The following PDE4D variants were observed in gnomAD, a reference collection of about 807,000 sequenced individuals.
PDE4D encodes 3',5'-cyclic-AMP phosphodiesterase 4D.
PDE4D carries 24 observed loss-of-function variants against 87.4 expected under a neutral mutation model. That is an observed-to-expected ratio of 0.27 (90% CI 0.20 to 0.39). PDE4D has a LOEUF of 0.39. Ranked by LOEUF, PDE4D falls within the 10% of genes least tolerant of loss-of-function variation. PDE4D has a pLI of 1.00. For synonymous variants in PDE4D, 384 were observed against 383.2 expected, an observed-to-expected ratio of 1.00 and a Z score of -0.02; for missense variants, 714 against 1,041.0, an observed-to-expected ratio of 0.69 and a Z score of 4.32.
At chr5:59,310,324 G>A (rs776479088) in intron 1 of PDE4D, among the ~76,000 whole-genome samples, 7 of 152,056 alleles carry the variant, frequency 4.6e-5, no homozygotes, top group Non-Finnish European at 7.4e-5. Context: ...CCTCTTCCCT[G>A]CTTCTATTCT....
chr5:59,137,658 C>G (rs1267319894), intron 5 of PDE4D, among the ~76,000 whole-genome samples: 1 of 151,966 alleles, frequency 6.6e-6, no homozygotes, highest in Non-Finnish European at 1.5e-5. Context: ...TCCCTAGTAG[C>G]TGGGACTACA....
chr5:60,126,306 A>G (rs1050405778), intron 2 of PDE4D, among the ~76,000 whole-genome samples: 2 of 152,204 alleles, frequency 1.3e-5, no homozygotes, highest in Non-Finnish European at 2.9e-5. Flanking sequence ...CACAGATGCC[A>G]AAACAACACT....
chr5:59,890,386 TTA>T (rs1381627495), intron 1 of PDE4D, among the ~76,000 whole-genome samples: 1 of 152,120 alleles, frequency 6.6e-6, no homozygotes, highest in African/African-American at 2.4e-5. Context: ...TCATAAGTAT[TTA>T]TATGCATTTT....
chr5:59,320,947 A>G (rs985413721), intron 1 of PDE4D, among the ~76,000 whole-genome samples: 1 of 152,100 alleles, frequency 6.6e-6, no homozygotes, highest in African/African-American at 2.4e-5. Flanking sequence ...TTTTCTATTG[A>G]TAAATTTGTT....
At chr5:59,752,166 C>T (rs1173584235) in intron 1 of PDE4D, among the ~76,000 whole-genome samples, 1 of 152,086 alleles carries the variant, frequency 6.6e-6, no homozygotes, top group Non-Finnish European at 1.5e-5. Context: ...CAATAACATC[C>T]CATATAGTAA....
intron 3 of PDE4D, among the ~76,000 whole-genome samples, chr5:59,916,789 CT>C (rs1289359770): frequency 4.1e-5 from 6 of 147,250 alleles, no homozygotes; most frequent in East Asian, 2.0e-4. Flanking sequence ...ACATAGATTC[CT>C]TTTTTTTTTC....
intron 1 of PDE4D, among the ~76,000 whole-genome samples, chr5:59,710,262 C>T (rs147778298): frequency 3.1e-3 from 464 of 151,966 alleles, no homozygotes; most frequent in African/African-American, 0.011. Flanking sequence ...CTCGTTTAGC[C>T]GAAAGTACAG....
At chr5:59,585,046 ACT>A (rs1192462980) in intron 1 of PDE4D, among the ~76,000 whole-genome samples, 3 of 152,070 alleles carry the variant, frequency 2.0e-5, no homozygotes, top group Non-Finnish European at 2.9e-5. Context: ...TGACTAGGAA[ACT>A]CTGGTGATGC....
chr5:59,439,765 A>G (rs28729916), intron 1 of PDE4D, among the ~76,000 whole-genome samples: 45,217 of 151,982 alleles, frequency 0.3, 11,853 homozygotes, highest in African/African-American at 0.71. Flanking sequence ...TGGGGTTGGG[A>G]TATAGGGGAC....
chr5:59,902,351 G>A (rs79257645), intron 3 of PDE4D, among the ~76,000 whole-genome samples: 4,443 of 152,198 alleles, frequency 0.029, 204 homozygotes, highest in African/African-American at 0.1. Context: ...CTGGGGCAAT[G>A]CTGAAATTCA....
chr5:58,979,466 T>C (rs1744592349), intron 11 of PDE4D, among the ~76,000 whole-genome samples: 2 of 152,208 alleles, frequency 1.3e-5, no homozygotes, highest in Admixed American at 6.5e-5. Context: ...AACTTTCTAC[T>C]CTTCTTTAGG....
chr5:59,491,414 GCAGTGACTTTC>G (rs1301716617), intron 1 of PDE4D, among the ~76,000 whole-genome samples: 1 of 152,130 alleles, frequency 6.6e-6, no homozygotes, highest in Non-Finnish European at 1.5e-5. Context: ...ATGAGATTGA[GCAGTGACTTTC>G]CAGTAAAGCA....
chr5:60,113,187 G>A (rs1777846837), intron 2 of PDE4D, among the ~76,000 whole-genome samples: 1 of 152,056 alleles, frequency 6.6e-6, no homozygotes, highest in African/African-American at 2.4e-5. Flanking sequence ...TAAAAGAAGG[G>A]CAAGTCCTAA....
intron 1 of PDE4D, among the ~76,000 whole-genome samples, chr5:59,714,707 A>C (rs1580626821): frequency 6.6e-6 from 1 of 152,342 alleles, no homozygotes; most frequent in South Asian, 2.1e-4. Context: ...GTGACAGTGG[A>C]CTTTCATAGT....
chr5:59,612,241 G>GTTTA (rs1829106430), intron 1 of PDE4D, among the ~76,000 whole-genome samples: 1 of 72,774 alleles, frequency 1.4e-5, no homozygotes, highest in African/African-American at 4.5e-5. Context: ...TGTTTTTTTT[G>GTTTA]TTTGTTTGTT....
chr5:59,730,412 A>G (rs1464602142), intron 1 of PDE4D, among the ~76,000 whole-genome samples: 9 of 152,176 alleles, frequency 5.9e-5, no homozygotes, highest in African/African-American at 2.2e-4. Context: ...AGTATTAGCT[A>G]TTAGTTGAGA....
chr5:59,186,487 T>G (rs182986212), intron 3 of PDE4D, among the ~76,000 whole-genome samples: 1 of 152,312 alleles, frequency 6.6e-6, no homozygotes, highest in Admixed American at 6.5e-5. Context: ...CATTGGTAAT[T>G]CAAGAGTCTC....
chr5:60,479,049 A>G (rs1011781550), intron 1 of PDE4D, among the ~76,000 whole-genome samples: 7 of 152,126 alleles, frequency 4.6e-5, no homozygotes, highest in Non-Finnish European at 1.0e-4. Flanking sequence ...GGCGGTGGCA[A>G]TGTAACTTGA....
chr5:58,996,671 T>C (rs925913670), intron 6 of PDE4D, among the ~76,000 whole-genome samples: 18 of 152,162 alleles, frequency 1.2e-4, no homozygotes, highest in Admixed American at 3.9e-4. Context: ...CACAAACTAG[T>C]ATAAGGATTA....
Sources: allele counts gnomAD v4.1 joint callset (sites outside exome capture counted in the v4.1 genomes callset), GRCh38; gene constraint gnomAD v4.1.1; transcripts MANE v1.5; gene names NCBI Gene and HGNC (gene_info 2026-07-23, HGNC 2026-07-21).